TENM4: variants seen among roughly 807,000 people sequenced by gnomAD.
TENM4 encodes teneurin transmembrane protein 4.
In TENM4, 82 loss-of-function variants were observed where a neutral mutation model predicts 243.3. That is an observed-to-expected ratio of 0.34 (90% CI 0.28 to 0.40). TENM4 has a LOEUF of 0.40. Ranked by LOEUF, TENM4 falls within the 10% of genes least tolerant of loss-of-function variation. The pLI is 1.00. For synonymous variants in TENM4, 1,412 were observed against 1,456.3 expected (o/e 0.97, Z 0.69); for missense variants, 3,138 against 3,673.3 (o/e 0.85, Z 3.77).
rs1555098954 is a variant in TENM4 at position 78,899,567 on chromosome 11, G to GT, written c.749+3700_749+3701insA. ...CACTCTGTCTCAAAAAGCGGGGGGG[G>GT]GGGGAAAAAGAAAAAAGAAAGAAAA... On this transcript the variant is annotated intron_variant, in intron 7 of 33. Transcript: ENST00000278550. Among the ~76,000 whole-genome samples the GT allele has an allele frequency of 1.8e-4, 23 of 130,968 alleles. 4 individuals are homozygous for GT. In the East Asian group the frequency reaches 2.3e-3, roughly 13 times the overall value. 85.9% of individuals were successfully genotyped at this position (130,968 alleles called of 152,430 possible). A position where few individuals can be genotyped will look rare whatever the true frequency, so the allele number is the denominator to read the frequency against.
chr11:78,748,189 AT>A (rs761265199), intron 19 of TENM4, among the ~76,000 whole-genome samples: 3 of 152,242 alleles, frequency 2.0e-5, no homozygotes, highest in Non-Finnish European at 4.4e-5. Flanking sequence ...CATTACTGCT[AT>A]TTAGTGACAG....
Position 79,065,026 on chromosome 11 carries a change from G to T in TENM4, c.224-19C>A. On this transcript the variant is annotated intron_variant, in intron 5 of 33. Coordinates refer to ENST00000278550, the MANE Select transcript of TENM4 (RefSeq NM_001098816.3). Reference sequence around the variant, plus strand: ...TTGGCACCTGGGAGGAAACACAGGTGAACTTGGTTAGGGCACTGAGATGAG... The same window carrying T: ...TTGGCACCTGGGAGGAAACACAGGTTAACTTGGTTAGGGCACTGAGATGAG... The T allele has an allele frequency of 1.4e-6, 2 of 1,453,862 alleles. No homozygotes were observed. The highest frequency in any genetic ancestry group is 2.9e-5 in the South Asian group (2 of 68,244). The allele number at this position is 1,453,862 out of a possible 1,614,324, so 90.1% of individuals were successfully genotyped here.
At chr11:79,016,798 T>A (rs943702020) in intron 6 of TENM4, among the ~76,000 whole-genome samples, 1 of 152,222 alleles carries the variant, frequency 6.6e-6, no homozygotes, top group African/African-American at 2.4e-5. Context: ...ATTTGGTTCA[T>A]CAAAAGACCC....
intron 21 of TENM4, among the ~76,000 whole-genome samples, chr11:78,730,429 A>G (rs1855628311): frequency 6.6e-6 from 1 of 152,206 alleles, no homozygotes; most frequent in African/African-American, 2.4e-5. Context: ...TGTGGTTCAC[A>G]GCCCCAGCTC....
At chr11:78,785,758 A>G (rs1856922557) in intron 16 of TENM4, among the ~76,000 whole-genome samples, 1 of 152,176 alleles carries the variant, frequency 6.6e-6, no homozygotes, top group South Asian at 2.1e-4. Context: ...ATACAAACTA[A>G]TGTTAGGCTT....
intron 28 of TENM4, among the ~76,000 whole-genome samples, chr11:78,688,498 TGCCCAGGAGTACA>T (rs1466087355): frequency 1.3e-5 from 2 of 152,162 alleles, no homozygotes; most frequent in African/African-American, 2.4e-5. Context: ...ACCTGCCTAC[TGCCCAGGAGTACA>T]GCTATAAACT....
intron 6 of TENM4, among the ~76,000 whole-genome samples, chr11:79,045,681 C>T (rs1859638976): frequency 6.6e-6 from 1 of 150,670 alleles, no homozygotes; most frequent in African/African-American, 2.4e-5. Flanking sequence ...AGCAGCTTCT[C>T]TGGGACCTGT....
chr11:79,402,237 A>C (rs1037215615), intron 1 of TENM4: 7 of 173,746 alleles, frequency 4.0e-5, no homozygotes, highest in African/African-American at 1.7e-4. Flanking sequence ...AGGGGAATGA[A>C]GTCACCAGTG....
rs190367551 is a variant in TENM4 at position 78,938,296 on chromosome 11, C to T, written c.494-34773G>A. Among the ~76,000 whole-genome samples, 42 of 152,302 alleles carry T rather than the reference C, an allele frequency of 2.8e-4. 1 individual carries two copies. The highest frequency in any genetic ancestry group is 2.0e-3 in the Admixed American group (31 of 15,298). ...TATTTTGAAATAATTTTAGATTCACCTAAAACTTGCAAAAATAGTACAAAG... is the reference window on the plus strand; with the variant it reads ...TATTTTGAAATAATTTTAGATTCACTTAAAACTTGCAAAAATAGTACAAAG... On this transcript the variant is annotated intron_variant, in intron 6 of 33. Coordinates refer to ENST00000278550, the MANE Select transcript of TENM4 (RefSeq NM_001098816.3).
intron 1 of TENM4, among the ~76,000 whole-genome samples, chr11:79,298,985 TGCTAACA>T (rs1856506025): frequency 6.6e-6 from 1 of 152,196 alleles, no homozygotes; most frequent in Admixed American, 6.5e-5. Flanking sequence ...GTAACAACGT[TGCTAACA>T]GCGTAAAGGA....
rs959961916 is a variant in TENM4 at position 79,313,995 on chromosome 11, G to A, written c.-320-16452C>T. 3.5e-4 allele frequency among the ~76,000 whole-genome samples: 54 copies of A among 152,174 alleles called. 1 individual carries two copies. The highest frequency in any genetic ancestry group is 1.2e-3 in the African/African-American group (48 of 41,524). ...CAGCCCAAGCCTTTCTTCTAAACCC[G>A]TCATTCATCTCCCTGTTGAGCTCTG... On this transcript the variant is annotated intron_variant, in intron 1 of 33. Coordinates refer to ENST00000278550, the MANE Select transcript of TENM4 (RefSeq NM_001098816.3).
At chr11:79,114,100 G>A (rs563920057) in intron 4 of TENM4, among the ~76,000 whole-genome samples, 3 of 152,112 alleles carry the variant, frequency 2.0e-5, no homozygotes, top group South Asian at 4.2e-4. Context: ...CTATCTCAAC[G>A]CCTTGCTGCC....
intron 1 of TENM4, among the ~76,000 whole-genome samples, chr11:79,301,153 T>TAAATGCA (rs1347141178): frequency 6.6e-6 from 1 of 152,234 alleles, no homozygotes; most frequent in East Asian, 1.9e-4. Context: ...AAGTATTTTT[T>TAAATGCA]AAATGCAAAT....
At chr11:79,323,544 T>TGTGAG (rs1407267168) in intron 1 of TENM4, among the ~76,000 whole-genome samples, 1 of 152,204 alleles carries the variant, frequency 6.6e-6, no homozygotes, top group East Asian at 1.9e-4. Context: ...TGGTTAATTT[T>TGTGAG]GTGAGTCAAC....
intron 9 of TENM4, among the ~76,000 whole-genome samples, chr11:78,880,660 G>A (rs1238269730): frequency 6.6e-6 from 1 of 152,152 alleles, no homozygotes; most frequent in African/African-American, 2.4e-5. Context: ...ATGATATGGA[G>A]GTCAAGGATA....
intron 23 of TENM4, among the ~76,000 whole-genome samples, chr11:78,724,928 G>C (rs1855479900): frequency 6.6e-6 from 1 of 152,206 alleles, no homozygotes; most frequent in Non-Finnish European, 1.5e-5. Flanking sequence ...CCTGAGTGGA[G>C]CACAGAGAGA....
chr11:78,695,415 A>G (rs1858935900), intron 28 of TENM4, among the ~76,000 whole-genome samples: 2 of 152,168 alleles, frequency 1.3e-5, no homozygotes, highest in African/African-American at 4.8e-5. Context: ...CCCAGGCTGG[A>G]GTGCAATGGC....
chr11:79,074,400 C>T (rs1246990602), intron 4 of TENM4, among the ~76,000 whole-genome samples: 1 of 152,170 alleles, frequency 6.6e-6, no homozygotes, highest in Non-Finnish European at 1.5e-5. Flanking sequence ...GACCCTGCAA[C>T]CCCCAGCCAC....
At chr11:78,852,909 CT>C (rs1565406996) in intron 12 of TENM4, among the ~76,000 whole-genome samples, 1 of 139,146 alleles carries the variant, frequency 7.2e-6, no homozygotes, top group South Asian at 2.3e-4. Context: ...ACCATCGCAC[CT>C]GGATACTTTT....
Sources: gnomAD v4.1 joint callset for allele counts (sites outside exome capture counted in the v4.1 genomes callset) on GRCh38, gnomAD v4.1.1 for gene constraint, MANE v1.5 for transcripts, NCBI Gene and HGNC (gene_info 2026-07-23, HGNC 2026-07-21) for gene names.